Variants in DRAXIN observed in about 807,000 individuals in gnomAD.
The protein encoded by DRAXIN is dorsal repulsive axon guidance protein.
In DRAXIN, 27 loss-of-function variants were observed where a neutral mutation model predicts 33.9. The ratio of observed to expected loss-of-function variants is 0.80; its 90% CI spans 0.59 to 1.10. The LOEUF (loss-of-function observed/expected upper bound fraction) is 1.10, where lower values mean the gene tolerates loss of function less well. Among genes scored for constraint, DRAXIN ranks in the 50% least tolerant of loss-of-function variants. DRAXIN has a pLI of 0.00. For synonymous variants in DRAXIN, 178 were observed against 194.0 expected (o/e 0.92, Z 0.69); for missense variants, 371 against 460.8 (o/e 0.81, Z 1.78).
intron 6 of DRAXIN, among the ~76,000 whole-genome samples, chr1:11,717,093 G>C (rs1224767277): frequency 6.6e-6 from 1 of 150,620 alleles, no homozygotes; most frequent in African/African-American, 2.4e-5. Flanking sequence ...GACCAGCCTG[G>C]CCAACATGGT....
At chr1:11,716,723 A>G (rs1037964666) in intron 6 of DRAXIN, among the ~76,000 whole-genome samples, 3 of 152,170 alleles carry the variant, frequency 2.0e-5, no homozygotes, top group Admixed American at 1.3e-4. Flanking sequence ...CCCAGGCTGG[A>G]GTGCAGTGGC....
rs562572313 is a variant in DRAXIN, at chr1:11,704,911, C to A, written c.-10-1338C>A. Among the ~76,000 whole-genome samples the A allele has an allele frequency of 6.6e-6, 1 of 152,282 alleles. No individual in the cohort carries two copies. Among genetic ancestry groups the A allele is most frequent in the South Asian group, 2.1e-4 (1 of 4,832 alleles). The stretch of plus-strand genomic sequence containing the variant: ...CTGGGTGAAGCCACCACAGACCCTG[C>A]GAGGCTGGAGAAGGTGTTTCCCCCC... On this transcript the variant is annotated intron_variant, in intron 1 of 6. Transcript: ENST00000294485. This position sits in a 1 kb window ranked among gnomAD's most constrained non-coding sequence, Gnocchi z 4.6.
rs768679759 is a variant in DRAXIN, at chr1:11,706,750, C to G, written c.451+41C>G. 2.7e-6 allele frequency: 4 copies of G among 1,494,578 alleles called. No homozygotes were observed. The highest frequency in any genetic ancestry group is 3.6e-6 in the Non-Finnish European group (4 of 1,123,188). 92.6% of individuals were successfully genotyped at this position (1,494,578 alleles called of 1,614,324 possible). ...CGAGGGGTGGGGATGGGGGTGATTC[C>G]TGCCATGGACTGAGGGGAGCAGGAG... On this transcript the variant is annotated intron_variant, in intron 2 of 6. Transcript: ENST00000294485. This position sits in a 1 kb window ranked among gnomAD's most constrained non-coding sequence, Gnocchi z 5.5.
At chr1:11,707,790 C>T (rs1359157606) in intron 2 of DRAXIN, among the ~76,000 whole-genome samples, 1 of 152,214 alleles carries the variant, frequency 6.6e-6, no homozygotes, top group Non-Finnish European at 1.5e-5. Context: ...GCTTCCCCCT[C>T]CCCGTGCCCA....
At chr1:11,693,964 C>A (rs1358126306) in intron 1 of DRAXIN, among the ~76,000 whole-genome samples, 1 of 152,278 alleles carries the variant, frequency 6.6e-6, no homozygotes, top group South Asian at 2.1e-4. Context: ...GAGAACTGAC[C>A]ATCTCCACAG....
In DRAXIN at chr1:11,705,586, G is replaced by A. The variant is rs1641365951; in HGVS notation, c.-10-663G>A. ...GGCCATCCTGGGACAGCCACACGGG[G>A]TTCAGGGCTCAGGGACAGGAATGAC... On this transcript the variant is annotated intron_variant, in intron 1 of 6. Transcript: ENST00000294485. The surrounding 1 kb of genome is among the most constrained non-coding windows in gnomAD (Gnocchi z 4.8). 6.6e-6 allele frequency among the ~76,000 whole-genome samples: 1 copy of A among 152,174 alleles called. No individual in the cohort carries two copies. Among genetic ancestry groups the A allele is most frequent in the South Asian group, 2.1e-4 (1 of 4,824 alleles).
chr1:11,717,661 C>CAAAAA (rs34363083), intron 6 of DRAXIN, among the ~76,000 whole-genome samples: 3 of 124,148 alleles, frequency 2.4e-5, no homozygotes, highest in Non-Finnish European at 5.0e-5. Context: ...GACTCCGTCT[C>CAAAAA]AAAAAAAAAA....
rs1308337744 is a variant in DRAXIN at position 11,704,124 on chromosome 1, G to T, written c.-10-2125G>T. On this transcript the variant is annotated intron_variant, in intron 1 of 6. Coordinates refer to ENST00000294485, the MANE Select transcript of DRAXIN (RefSeq NM_198545.4). This position sits in a 1 kb window ranked among gnomAD's most constrained non-coding sequence, Gnocchi z 4.6. ...CTGCTCTCTTGCCCGCACTGTCTGG[G>T]TTTTCTTCCTCATTCCCCTCAACCC... is the stretch of plus-strand genomic sequence containing the variant. Among the ~76,000 whole-genome samples the T allele has an allele frequency of 6.6e-6, 1 of 152,188 alleles. No homozygotes were observed. Among genetic ancestry groups the T allele is most frequent in the African/African-American group, 2.4e-5 (1 of 41,432 alleles).
At position 11,722,891 on chromosome 1, in the gene DRAXIN, G is replaced by C. The variant is rs982378007; in HGVS notation, c.*3195G>C. ...GCCCAGGCTGGAATGCAGTGGCTCA[G>C]TCTCAGCTCACTGCAACCTCTTCAT... On this transcript the variant is annotated 3_prime_UTR_variant, in exon 7 of 7. Transcript: ENST00000294485. 21 of 150,280 alleles carry C rather than the reference G, an allele frequency of 1.4e-4. No individual in the cohort carries two copies. Among genetic ancestry groups the C allele is most frequent in the African/African-American group, 5.2e-4 (21 of 40,570 alleles). 9.3% of individuals were successfully genotyped at this position (150,280 alleles called of 1,614,324 possible).
rs116663562 is a variant in DRAXIN, at chr1:11,694,955, G to A, written c.-11+3102G>A. ...TGAAGGGGTGGTTATGAGGGATGAG[G>A]CTCCTGCTAGAACCCAGAGCAACTG... On this transcript the variant is annotated intron_variant, in intron 1 of 6. Transcript: ENST00000294485. The surrounding 1 kb of genome is among the most constrained non-coding windows in gnomAD (Gnocchi z 4.9). Among the ~76,000 whole-genome samples the A allele has an allele frequency of 0.014, 2,096 of 152,278 alleles. 56 individuals are homozygous for A. Among genetic ancestry groups the A allele is most frequent in the African/African-American group, 0.046 (1,892 of 41,548 alleles).
At chr1:11,716,793 A>G (rs1641585440) in intron 6 of DRAXIN, among the ~76,000 whole-genome samples, 1 of 152,176 alleles carries the variant, frequency 6.6e-6, no homozygotes, top group South Asian at 2.1e-4. Context: ...CGCCTCGGCA[A>G]TAAAGCTATG....
rs567428725 is a variant in DRAXIN, at chr1:11,717,108, C to A, written c.937+1900C>A. Among the ~76,000 whole-genome samples, 52 of 147,720 alleles carry A rather than the reference C, an allele frequency of 3.5e-4. 1 individual carries two copies. The highest frequency in any genetic ancestry group is 4.7e-4 in the African/African-American group (19 of 40,018). On this transcript the variant is annotated intron_variant, in intron 6 of 6. Coordinates refer to ENST00000294485, the MANE Select transcript of DRAXIN (RefSeq NM_198545.4). Reference sequence around the variant, plus strand: ...GACCAGCCTGGCCAACATGGTGAAACCCTGTCTCTACTAAAAATACAAAAA... The same window carrying A: ...GACCAGCCTGGCCAACATGGTGAAAACCTGTCTCTACTAAAAATACAAAAA...
At position 11,725,459 on chromosome 1, in the gene DRAXIN, T is replaced by C. The variant is rs930604758; in HGVS notation, c.*5763T>C. 1 of 152,266 alleles carries C rather than the reference T, an allele frequency of 6.6e-6. No homozygotes were observed. The highest frequency in any genetic ancestry group is 1.5e-5 in the Non-Finnish European group (1 of 68,068). 9.4% of individuals were successfully genotyped at this position (152,266 alleles called of 1,614,324 possible). On this transcript the variant is annotated 3_prime_UTR_variant, in exon 7 of 7. Transcript: ENST00000294485. ...GGTCATTCTTGGGCACGATCAAATT[T>C]GAGAATCACAGGTCTAGGATACGAC... is the stretch of plus-strand genomic sequence containing the variant.
Position 11,705,974 on chromosome 1 carries a change from G to A in DRAXIN, c.-10-275G>A, listed in dbSNP as rs909217999. On this transcript the variant is annotated intron_variant, in intron 1 of 6. Coordinates refer to ENST00000294485, the MANE Select transcript of DRAXIN (RefSeq NM_198545.4). This position sits in a 1 kb window ranked among gnomAD's most constrained non-coding sequence, Gnocchi z 4.8. Reference sequence around the variant, plus strand: ...ATTTAAGCCGGGGGTTCTCAGCCTCGGTACTGTTGTTTTTCTGGGCCGGAT... The same window carrying A: ...ATTTAAGCCGGGGGTTCTCAGCCTCAGTACTGTTGTTTTTCTGGGCCGGAT... Among the ~76,000 whole-genome samples, 5 of 152,074 alleles carry A rather than the reference G, an allele frequency of 3.3e-5. No individual in the cohort carries two copies. The highest frequency in any genetic ancestry group is 3.9e-4 in the East Asian group (2 of 5,192).
At chr1:11,718,119 C>A (rs1479282840) in intron 6 of DRAXIN, among the ~76,000 whole-genome samples, 6 of 133,774 alleles carry the variant, frequency 4.5e-5, no homozygotes, top group Non-Finnish European at 9.3e-5. Context: ...GCCTGGCCAA[C>A]ATGGTGAAAC....
intron 1 of DRAXIN, among the ~76,000 whole-genome samples, chr1:11,693,966 TC>T (rs1044237726): frequency 6.6e-6 from 1 of 152,102 alleles, no homozygotes; most frequent in Non-Finnish European, 1.5e-5. Flanking sequence ...GAACTGACCA[TC>T]TCCACAGTCT....
At chr1:11,714,512 G>A (rs935611487) in intron 5 of DRAXIN, among the ~76,000 whole-genome samples, 11 of 152,214 alleles carry the variant, frequency 7.2e-5, no homozygotes, top group Admixed American at 1.3e-4. Flanking sequence ...AGATCGGAGC[G>A]GCACACCTCC....
At chr1:11,688,691 G>A (rs1309441293), upstream of DRAXIN, among the ~76,000 whole-genome samples, 1 of 152,178 alleles carries the variant, frequency 6.6e-6, no homozygotes, top group East Asian at 1.9e-4. This position sits in a 1 kb window ranked among gnomAD's most constrained non-coding sequence, Gnocchi z 4.6. Context: ...CATTGTTAGA[G>A]GTGTCTGAAC....
At chr1:11,714,987 C>G (rs1374045999) in intron 5 of DRAXIN, 132 bp from the exon 6 acceptor site, 2 of 1,017,418 alleles carry the variant, frequency 2.0e-6, no homozygotes, top group Non-Finnish European at 2.9e-6. Context: ...GCCTTGCACA[C>G]CAGATGGCCC....
Sources: gnomAD v4.1 joint callset for allele counts (sites outside exome capture counted in the v4.1 genomes callset) on GRCh38, gnomAD v4.1.1 for gene constraint, Gnocchi (gnomAD v3.1) non-coding constraint, MANE v1.5 for transcripts, NCBI Gene and HGNC (gene_info 2026-07-23, HGNC 2026-07-21) for gene names.